Variants in GBE1 observed in about 807,000 individuals in gnomAD.
GBE1 encodes the protein 1,4-alpha-glucan-branching enzyme.
A neutral mutation model predicts 88.8 loss-of-function variants in GBE1; 70 were observed. The observed-to-expected ratio is 0.79, with a 90% CI of 0.65 to 0.96. GBE1 has a LOEUF of 0.96. Ranked by LOEUF, GBE1 falls within the 40% of genes least tolerant of loss-of-function variation. GBE1 has a pLI of 0.00. For synonymous variants in GBE1, 284 were observed against 300.1 expected, an observed-to-expected ratio of 0.95 and a Z score of 0.56; for missense variants, 872 against 871.0, an observed-to-expected ratio of 1.00 and a Z score of -0.01.
chr3:81,747,894 C>T (rs972603611), intron 1 of GBE1, among the ~76,000 whole-genome samples: 4 of 152,168 alleles, frequency 2.6e-5, no homozygotes, highest in African/African-American at 7.2e-5. Flanking sequence ...ACTCTCTTTT[C>T]GGACTCAGCC....
chr3:81,742,602 C>G (rs1468126934), intron 1 of GBE1, among the ~76,000 whole-genome samples: 1 of 152,086 alleles, frequency 6.6e-6, no homozygotes, highest in Admixed American at 6.6e-5. Context: ...CGAATTTTAA[C>G]AGTGAAGGTG....
chr3:81,737,242 T>A (rs1351149593), intron 1 of GBE1, among the ~76,000 whole-genome samples: 1 of 141,626 alleles, frequency 7.1e-6, no homozygotes, highest in African/African-American at 2.7e-5. Flanking sequence ...TAAATGAATA[T>A]TTATATATAT....
At chr3:81,544,677 T>C (rs1188255539) in intron 12 of GBE1, among the ~76,000 whole-genome samples, 1 of 152,192 alleles carries the variant, frequency 6.6e-6, no homozygotes, top group East Asian at 1.9e-4. Flanking sequence ...ATTTCCTCCT[T>C]ACACAGCCCC....
At chr3:81,679,816 T>C (rs1705312354) in intron 2 of GBE1, among the ~76,000 whole-genome samples, 2 of 152,340 alleles carry the variant, frequency 1.3e-5, no homozygotes, top group African/African-American at 4.8e-5. Context: ...TGTAGCTCAA[T>C]ACAGGGGCAA....
intron 7 of GBE1, among the ~76,000 whole-genome samples, chr3:81,602,350 A>C (rs998034796): frequency 1.1e-4 from 17 of 152,174 alleles, no homozygotes; most frequent in African/African-American, 4.1e-4. Flanking sequence ...TTTTGTGGAA[A>C]GGTATCTATT....
At chr3:81,535,613 A>C (rs1703065024) in intron 13 of GBE1, among the ~76,000 whole-genome samples, 2 of 152,026 alleles carry the variant, frequency 1.3e-5, no homozygotes, top group South Asian at 4.1e-4. Context: ...CATGGTACCT[A>C]TACATACTAC....
At chr3:81,661,640 A>G (rs760158548) in intron 3 of GBE1, among the ~76,000 whole-genome samples, 5 of 152,178 alleles carry the variant, frequency 3.3e-5, no homozygotes, top group Non-Finnish European at 7.4e-5. Flanking sequence ...GATGCCTTAG[A>G]CTGATTTCTA....
intron 9 of GBE1, among the ~76,000 whole-genome samples, chr3:81,586,910 T>C (rs1333992315): frequency 1.3e-5 from 2 of 151,930 alleles, no homozygotes; most frequent in Admixed American, 1.3e-4. Context: ...TGCCTCAGCC[T>C]CCCGAATAGC....
At chr3:81,492,243 T>A (rs1702446459) in intron 15 of GBE1, among the ~76,000 whole-genome samples, 1 of 152,222 alleles carries the variant, frequency 6.6e-6, no homozygotes, top group Admixed American at 6.5e-5. Context: ...GTATTTAATA[T>A]CTCATAACTA....
intron 1 of GBE1, among the ~76,000 whole-genome samples, chr3:81,738,371 A>G (rs1168912575): frequency 6.6e-6 from 1 of 151,602 alleles, no homozygotes; most frequent in Non-Finnish European, 1.5e-5. Context: ...TCCCACCAAC[A>G]GTGTAAAAGT....
rs1422638585 is a variant in GBE1, at chr3:81,761,630, G to C, written c.-113C>G. On this transcript the variant is annotated 5_prime_UTR_variant, in exon 1 of 16. Transcript: ENST00000429644. ...GGGCGGAGCCGGAGGGCGCCTAGGC[G>C]TGTCGAGGCAAGCCGAGGCGAGCCG... 1 of 1,357,436 alleles carries C rather than the reference G, an allele frequency of 7.4e-7. No individual in the cohort carries two copies. The highest frequency in any genetic ancestry group is 9.9e-7 in the Non-Finnish European group (1 of 1,014,394). The allele number at this position is 1,357,436 out of a possible 1,614,324, so 84.1% of individuals were successfully genotyped here. A position where few individuals can be genotyped will look rare whatever the true frequency, so the allele number is the denominator to read the frequency against.
intron 1 of GBE1, among the ~76,000 whole-genome samples, chr3:81,747,565 G>A (rs1357799427): frequency 6.6e-6 from 1 of 152,102 alleles, no homozygotes; most frequent in Non-Finnish European, 1.5e-5. Context: ...TCAGGTCTCT[G>A]AGCCCAAGCC....
chr3:81,513,500 C>T (rs545204631), intron 14 of GBE1, among the ~76,000 whole-genome samples: 26 of 150,834 alleles, frequency 1.7e-4, no homozygotes, highest in Non-Finnish European at 2.5e-4. Flanking sequence ...AATCAAGGCC[C>T]GGAAAGGCAA....
chr3:81,657,424 C>T (rs557247825), intron 3 of GBE1, among the ~76,000 whole-genome samples: 1 of 151,834 alleles, frequency 6.6e-6, no homozygotes, highest in East Asian at 1.9e-4. Flanking sequence ...TCTGAATTTC[C>T]TAACTAGGAA....
intron 1 of GBE1, among the ~76,000 whole-genome samples, chr3:81,727,890 T>G (rs1706134630): frequency 6.6e-6 from 1 of 152,180 alleles, no homozygotes; most frequent in South Asian, 2.1e-4. Context: ...AAATGTAGCC[T>G]TCTTTCTCTA....
chr3:81,692,764 T>A (rs1160531288), intron 2 of GBE1, among the ~76,000 whole-genome samples: 1 of 152,238 alleles, frequency 6.6e-6, no homozygotes, highest in African/African-American at 2.4e-5. Context: ...TTTAATTTTT[T>A]AAACCTATTT....
At chr3:81,722,904 A>ATT (rs1339705740) in intron 1 of GBE1, among the ~76,000 whole-genome samples, 33 of 143,756 alleles carry the variant, frequency 2.3e-4, no homozygotes, top group African/African-American at 8.1e-4. Context: ...GTGTATATAT[A>ATT]TATATATATA....
At chr3:81,581,769 C>T (rs1394794044) in intron 10 of GBE1, among the ~76,000 whole-genome samples, 3 of 151,848 alleles carry the variant, frequency 2.0e-5, no homozygotes, top group African/African-American at 7.3e-5. Flanking sequence ...AAATAATTAC[C>T]CTCTTAACAG....
chr3:81,706,461 T>C (rs1209122707), intron 1 of GBE1, among the ~76,000 whole-genome samples: 1 of 152,118 alleles, frequency 6.6e-6, no homozygotes, highest in Non-Finnish European at 1.5e-5. Context: ...TAGGAAAAAC[T>C]TGGTAAAACT....
Sources: allele counts gnomAD v4.1 joint callset (sites outside exome capture counted in the v4.1 genomes callset), GRCh38; gene constraint gnomAD v4.1.1; transcripts MANE v1.5; gene names NCBI Gene and HGNC (gene_info 2026-07-23, HGNC 2026-07-21).